The following GPHN variants were observed in gnomAD, a reference collection of about 807,000 sequenced individuals.
GPHN encodes the protein gephyrin.
GPHN carries 17 observed loss-of-function variants against 95.5 expected under a neutral mutation model. The ratio of observed to expected loss-of-function variants is 0.18; its 90% CI spans 0.12 to 0.27. The LOEUF (loss-of-function observed/expected upper bound fraction) is 0.27, where lower values mean the gene tolerates loss of function less well. Among genes scored for constraint, GPHN ranks in the 10% least tolerant of loss-of-function variants. The probability of loss-of-function intolerance (pLI) is 1.00; values close to 1 mark genes in which losing one functional copy is unlikely to be tolerated. For missense variants in GPHN, 660 were observed against 978.1 expected (o/e 0.67, Z 4.34); for synonymous variants, 320 against 322.5 (o/e 0.99, Z 0.08).
At chr14:67,600,683 G>A in the GPHN span, among the ~76,000 whole-genome samples, 24 of 152,246 alleles carry the variant, frequency 1.6e-4, no homozygotes, top group African/African-American at 5.1e-4. Flanking sequence ...GGGTTCAAGC[G>A]ATTCTCCTGC....
At chr14:67,687,312 T>C in the GPHN span, among the ~76,000 whole-genome samples, 1 of 152,178 alleles carries the variant, frequency 6.6e-6, no homozygotes, top group Admixed American at 6.6e-5. Context: ...CTCTAAGGGT[T>C]TGGCATCTAC....
chr14:67,578,064 G>C, the GPHN span: 1 of 1,613,764 alleles, frequency 6.2e-7, no homozygotes, highest in Non-Finnish European at 8.5e-7. The surrounding 1 kb of genome is among the most constrained non-coding windows in gnomAD (Gnocchi z 5.0). Flanking sequence ...AAGCTGCCTC[G>C]GTGGACTACC....
intron 19 of GPHN, among the ~76,000 whole-genome samples, chr14:67,160,169 C>T (rs1170476450): frequency 6.6e-6 from 1 of 152,056 alleles, no homozygotes; most frequent in Non-Finnish European, 1.5e-5. Context: ...ACATTTTCTG[C>T]CCCCACCCTT....
chr14:67,593,723 C>T, the GPHN span: 1 of 1,523,382 alleles, frequency 6.6e-7, no homozygotes, highest in South Asian at 1.1e-5. Flanking sequence ...GCCTGTAATA[C>T]TTACCTTTTA....
At chr14:67,065,060 G>C (rs932229149) in intron 11 of GPHN, among the ~76,000 whole-genome samples, 30 of 152,134 alleles carry the variant, frequency 2.0e-4, no homozygotes. Flanking sequence ...GCTTTCTCTT[G>C]TGGGCATTTA....
intron 3 of GPHN, among the ~76,000 whole-genome samples, chr14:66,792,385 C>T (rs1271309194): frequency 1.3e-5 from 2 of 151,408 alleles, no homozygotes; most frequent in Non-Finnish European, 2.9e-5. Context: ...TGTTAGTGCA[C>T]AACTGTAGTT....
At chr14:66,991,523 G>A (rs974528948) in intron 9 of GPHN, among the ~76,000 whole-genome samples, 1 of 151,690 alleles carries the variant, frequency 6.6e-6, no homozygotes, top group Non-Finnish European at 1.5e-5. Flanking sequence ...ACTTTGGGAA[G>A]CCTCACTGAG....
At chr14:67,603,022 T>TACC in the GPHN span, among the ~76,000 whole-genome samples, 1 of 152,026 alleles carries the variant, frequency 6.6e-6, no homozygotes, top group Admixed American at 6.6e-5. Context: ...ATACAAAAGG[T>TACC]ACCTGTACAG....
intron 2 of GPHN, among the ~76,000 whole-genome samples, chr14:66,725,192 C>A (rs2071108052): frequency 6.6e-6 from 1 of 152,130 alleles, no homozygotes; most frequent in Admixed American, 6.5e-5. Flanking sequence ...CATGCTGGCA[C>A]CCTGATATTG....
chr14:67,312,859 C>G, the GPHN span: 1 of 588,224 alleles, frequency 1.7e-6, no homozygotes, highest in Non-Finnish European at 2.8e-6. Context: ...GTTGTACCTG[C>G]AGCGTAAGTA....
the GPHN span, among the ~76,000 whole-genome samples, chr14:67,493,538 A>G: frequency 0.012 from 1,755 of 152,320 alleles, 48 homozygotes; most frequent in African/African-American, 0.041. Context: ...CCTTGCTGAG[A>G]AAACTTTTTC....
rs138042556 is a variant in GPHN, at chr14:67,113,094, C to T, written c.1549C>T (p.Leu517Phe). ...CCACATGGGCCCCTCAGAGATTGGT[C>T]TTCTGGCAACTGTAGGTGTCACAGA... ...GTHMGPSEIG[L>F]LATVGVTEVE... Residue 517 changes from leucine to phenylalanine, a missense_variant, in exon 16 of 23, where the codon CTT (leucine) becomes TTT (phenylalanine). Physicochemically the swap from Leu to Phe is conservative, Grantham distance 22. Coordinates refer to ENST00000478722, the MANE Select transcript of GPHN (RefSeq NM_020806.5). The T allele has an allele frequency of 5.6e-6, 9 of 1,613,688 alleles. No individual in the cohort carries two copies. Among genetic ancestry groups the T allele is most frequent in the Non-Finnish European group, 6.8e-6 (8 of 1,179,610 alleles).
At chr14:66,638,405 G>T (rs2064217089) in intron 1 of GPHN, among the ~76,000 whole-genome samples, 1 of 152,114 alleles carries the variant, frequency 6.6e-6, no homozygotes, top group Admixed American at 6.5e-5. Context: ...TTGCAATCCA[G>T]CCTGGGGGAT....
intron 3 of GPHN, chr14:66,823,306 T>C (rs1361928934): frequency 6.6e-6 from 1 of 152,224 alleles, no homozygotes; most frequent in Non-Finnish European, 1.5e-5. Context: ...CAGCTGGTTT[T>C]TTTATATACC....
chr14:67,656,105 G>C, the GPHN span, among the ~76,000 whole-genome samples: 1 of 152,038 alleles, frequency 6.6e-6, no homozygotes, highest in Non-Finnish European at 1.5e-5. Context: ...CATTAGCTAG[G>C]CATGGTGGCG....
chr14:66,905,820 A>G (rs1414352675), intron 5 of GPHN, among the ~76,000 whole-genome samples: 1 of 152,130 alleles, frequency 6.6e-6, no homozygotes, highest in Non-Finnish European at 1.5e-5. Flanking sequence ...AAGTGAGAAC[A>G]TTCAGTATGT....
the GPHN span, among the ~76,000 whole-genome samples, chr14:67,522,644 C>T: frequency 2.0e-5 from 3 of 152,204 alleles, no homozygotes; most frequent in African/African-American, 7.2e-5. Context: ...TCACAGCATT[C>T]TCATCCAAGT....
At chr14:67,396,197 GA>G in the GPHN span, among the ~76,000 whole-genome samples, 75 of 151,792 alleles carry the variant, frequency 4.9e-4, no homozygotes, top group Non-Finnish European at 1.0e-3. Context: ...GCCCAGGCTG[GA>G]GTACAATGGT....
chr14:67,641,777 A>C, the GPHN span, among the ~76,000 whole-genome samples: 4 of 152,272 alleles, frequency 2.6e-5, no homozygotes, highest in African/African-American at 9.6e-5. Context: ...CCATTTCTAC[A>C]AAAAGAAAGT....
Sources: allele counts gnomAD v4.1 joint callset (sites outside exome capture counted in the v4.1 genomes callset), GRCh38; gene constraint gnomAD v4.1.1; non-coding constraint Gnocchi (gnomAD v3.1); transcripts MANE v1.5; gene names NCBI Gene and HGNC (gene_info 2026-07-23, HGNC 2026-07-21).